CCDC93: variants seen among roughly 807,000 people sequenced by gnomAD.
CCDC93 encodes the protein CCC complex scaffolding subunit CCDC93.
Under a neutral mutation model 108.2 loss-of-function variants are expected in CCDC93, and 61 were observed. That is an observed-to-expected ratio of 0.56 (90% CI 0.46 to 0.70). The LOEUF (loss-of-function observed/expected upper bound fraction) is 0.70, where lower values mean the gene tolerates loss of function less well. Ranked by LOEUF, CCDC93 falls within the 30% of genes least tolerant of loss-of-function variation. The pLI is 0.00. For synonymous variants in CCDC93, 276 were observed against 260.4 expected, an observed-to-expected ratio of 1.06 and a Z score of -0.58; for missense variants, 685 against 764.2, an observed-to-expected ratio of 0.90 and a Z score of 1.22.
chr2:117,979,530 T>C (rs1680047501), intron 7 of CCDC93, among the ~76,000 whole-genome samples: 1 of 152,246 alleles, frequency 6.6e-6, no homozygotes, highest in Non-Finnish European at 1.5e-5. Flanking sequence ...GCAAAGATTC[T>C]ACCTTTATAT....
Position 117,980,611 on chromosome 2 carries a change from A to G in CCDC93, c.621-2581T>C, listed in dbSNP as rs528342803. On this transcript the variant is annotated intron_variant, in intron 7 of 23. Coordinates refer to ENST00000376300, the MANE Select transcript of CCDC93 (RefSeq NM_019044.5). Reference sequence around the variant, plus strand: ...TGTATGGTGAACATAATTATCCCTCATGAGTAATCCGCTAAGCCTTTCTGT... The same window carrying G: ...TGTATGGTGAACATAATTATCCCTCGTGAGTAATCCGCTAAGCCTTTCTGT... Among the ~76,000 whole-genome samples, 39 of 152,326 alleles carry G rather than the reference A, an allele frequency of 2.6e-4. No individual in the cohort carries two copies. The South Asian group carries it at 4.6e-3, about 18-fold the overall frequency.
chr2:118,002,077 AT>A lies in CCDC93; in HGVS notation c.252-1146del, dbSNP rs575946333. On this transcript the variant is annotated intron_variant, in intron 3 of 23. Coordinates refer to ENST00000376300, the MANE Select transcript of CCDC93 (RefSeq NM_019044.5). ...TGCCACACAAGACCCTTTAAAAAAA[AT>A]CTTAGCCAGTCACAGCAGCTACTGT... 9.0e-4 allele frequency among the ~76,000 whole-genome samples: 137 copies of A among 152,310 alleles called. 1 individual carries two copies. The highest frequency in any genetic ancestry group is 3.2e-3 in the African/African-American group (135 of 41,566).
chr2:117,923,343 G>A lies in CCDC93; in HGVS notation c.1843-2947C>T, dbSNP rs540347757. The stretch of plus-strand genomic sequence containing the variant: ...ATCGCCTCACCCAGGAAGCACAAGG[G>A]GTCAGGGAATTCCCTTTCCTAGTCA... On this transcript the variant is annotated intron_variant, in intron 23 of 23. Coordinates refer to ENST00000376300, the MANE Select transcript of CCDC93 (RefSeq NM_019044.5). Among the ~76,000 whole-genome samples the A allele has an allele frequency of 1.1e-4, 16 of 152,272 alleles. No homozygotes were observed. The East Asian group carries it at 3.1e-3, about 29-fold the overall frequency.
At chr2:117,922,680 T>G (rs547539681) in intron 23 of CCDC93, among the ~76,000 whole-genome samples, 260 of 152,268 alleles carry the variant, frequency 1.7e-3, no homozygotes, top group Non-Finnish European at 2.6e-3. Context: ...CTACAAGTGC[T>G]TGGGCCCAGG....
intron 10 of CCDC93, among the ~76,000 whole-genome samples, chr2:117,974,615 C>A (rs1679872148): frequency 6.6e-6 from 1 of 152,294 alleles, no homozygotes; most frequent in Non-Finnish European, 1.5e-5. Flanking sequence ...TGTGAACCTC[C>A]CAGCAGGAAT....
chr2:117,981,814 C>T (rs984693431), intron 7 of CCDC93, among the ~76,000 whole-genome samples: 1 of 152,108 alleles, frequency 6.6e-6, no homozygotes, highest in African/African-American at 2.4e-5. Flanking sequence ...TGCTCAATAG[C>T]CACATATGGA....
chr2:117,949,075 C>T (rs1162525437), intron 14 of CCDC93, among the ~76,000 whole-genome samples: 5 of 152,202 alleles, frequency 3.3e-5, no homozygotes, highest in Admixed American at 6.5e-5. Context: ...AATAGAAAAA[C>T]AAAAAACTAT....
chr2:117,935,360 A>C, intron 22 of CCDC93, 135 bp downstream of exon 22: 1 of 650,740 alleles, frequency 1.5e-6, no homozygotes, highest in Non-Finnish European at 2.7e-6. Flanking sequence ...CATGGTGGGA[A>C]TACCTCTGTA....
chr2:117,969,445 C>T (rs1220374344), intron 11 of CCDC93, among the ~76,000 whole-genome samples: 5 of 152,210 alleles, frequency 3.3e-5, no homozygotes, highest in African/African-American at 1.2e-4. Flanking sequence ...TGCTGCCCCA[C>T]AGAAACAGTG....
chr2:117,943,817 G>C (rs1197538899), intron 18 of CCDC93, among the ~76,000 whole-genome samples: 2 of 152,232 alleles, frequency 1.3e-5, no homozygotes, highest in African/African-American at 4.8e-5. Flanking sequence ...AGGAGTGGTT[G>C]TGAAAGTAAT....
intron 1 of CCDC93, among the ~76,000 whole-genome samples, chr2:118,010,514 A>T (rs915496616): frequency 1.3e-5 from 2 of 152,166 alleles, no homozygotes; most frequent in African/African-American, 4.8e-5. Flanking sequence ...GTCTTCCTTT[A>T]CTATGCATCT....
chr2:117,996,007 C>T (rs574903684), intron 5 of CCDC93, among the ~76,000 whole-genome samples: 6 of 151,828 alleles, frequency 4.0e-5, no homozygotes, highest in Admixed American at 1.3e-4. Flanking sequence ...GGGCAAGTGG[C>T]CTCTCAAAAA....
intron 18 of CCDC93, among the ~76,000 whole-genome samples, chr2:117,942,233 T>G (rs890480152): frequency 6.6e-6 from 1 of 152,224 alleles, no homozygotes; most frequent in African/African-American, 2.4e-5. Flanking sequence ...CTCTTCAGTC[T>G]TTTACTGCAT....
At chr2:117,979,560 C>A (rs2104790353) in intron 7 of CCDC93, among the ~76,000 whole-genome samples, 1 of 152,316 alleles carries the variant, frequency 6.6e-6, no homozygotes, top group Non-Finnish European at 1.5e-5. Context: ...CCAATATTCA[C>A]TGAACAAACA....
intron 7 of CCDC93, 89 bp downstream of exon 7, chr2:117,985,880 G>A: frequency 1.3e-6 from 1 of 765,552 alleles, no homozygotes. Context: ...AACTCAATCG[G>A]GTAGAAGCTA....
At chr2:117,953,997 T>C (rs1395289721) in intron 12 of CCDC93, among the ~76,000 whole-genome samples, 1 of 152,232 alleles carries the variant, frequency 6.6e-6, no homozygotes, top group Non-Finnish European at 1.5e-5. Flanking sequence ...ACACCAGATC[T>C]GTTGGTGCCT....
intron 13 of CCDC93, chr2:117,949,738 G>T (rs918855): frequency 0.99 from 979,171 of 985,070 alleles, 486,911 homozygotes; most frequent in East Asian, 1. Flanking sequence ...GTTCCAAGAG[G>T]TCTAGTTGAA....
intron 1 of CCDC93, among the ~76,000 whole-genome samples, chr2:118,009,303 A>G (rs1024360176): frequency 1.3e-5 from 2 of 152,132 alleles, no homozygotes; most frequent in East Asian, 1.9e-4. Flanking sequence ...CCCAGGAGAC[A>G]GAAGTTGCAG....
At chr2:118,013,826 G>A in intron 1 of CCDC93, 128 bp downstream of exon 1, 1 of 800,846 alleles carries the variant, frequency 1.2e-6, no homozygotes, top group Non-Finnish European at 1.9e-6. Flanking sequence ...GCTTCCCTGA[G>A]GTGGATACGC....
Sources: gnomAD v4.1 joint callset for allele counts (sites outside exome capture counted in the v4.1 genomes callset) on GRCh38, gnomAD v4.1.1 for gene constraint, MANE v1.5 for transcripts, NCBI Gene and HGNC (gene_info 2026-07-23, HGNC 2026-07-21) for gene names.